Variants in CADPS observed in about 807,000 individuals in gnomAD.
The protein encoded by CADPS is calcium dependent secretion activator.
CADPS carries 57 observed loss-of-function variants against 167.3 expected under a neutral mutation model. The ratio of observed to expected loss-of-function variants is 0.34; its 90% CI spans 0.28 to 0.42. CADPS has a LOEUF of 0.42. Among genes scored for constraint, CADPS ranks in the 20% least tolerant of loss-of-function variants. The pLI, the probability that CADPS is intolerant of heterozygous loss-of-function variation, is 1.00. For missense variants in CADPS, 1,414 were observed against 1,738.1 expected (o/e 0.81, Z 3.32); for synonymous variants, 676 against 635.3 (o/e 1.06, Z -0.96).
intron 8 of CADPS, among the ~76,000 whole-genome samples, chr3:62,582,855 A>C (rs567213428): frequency 1.3e-5 from 2 of 152,360 alleles, no homozygotes; most frequent in Non-Finnish European, 2.9e-5. Context: ...TTTACAAACA[A>C]GTCAACACAA....
intron 26 of CADPS, among the ~76,000 whole-genome samples, chr3:62,464,954 A>C (rs1271163356): frequency 6.6e-6 from 1 of 152,220 alleles, no homozygotes; most frequent in Non-Finnish European, 1.5e-5. Flanking sequence ...TGACACAGTG[A>C]GGACCATATA....
intron 6 of CADPS, among the ~76,000 whole-genome samples, chr3:62,643,990 C>T (rs972614660): frequency 3.3e-5 from 5 of 152,190 alleles, no homozygotes; most frequent in Admixed American, 1.3e-4. Flanking sequence ...TGACGTGTGA[C>T]AAGGTGCATT....
At chr3:62,770,231 C>T (rs2088239604) in intron 1 of CADPS, among the ~76,000 whole-genome samples, 1 of 152,226 alleles carries the variant, frequency 6.6e-6, no homozygotes, top group Admixed American at 6.5e-5. Context: ...TCCTGGGAAG[C>T]TCTTCCCTGA....
chr3:62,576,813 A>AAAAAAAAAAAAAAAAAAAAAAG (rs1562375615), intron 8 of CADPS, among the ~76,000 whole-genome samples: 3 of 149,288 alleles, frequency 2.0e-5, no homozygotes, highest in African/African-American at 7.5e-5. Context: ...AAAAAAAAAA[A>AAAAAAAAAAAAAAAAAAAAAAG]AAAAGCAGTC....
intron 3 of CADPS, among the ~76,000 whole-genome samples, chr3:62,676,395 C>T (rs933598591): frequency 3.3e-5 from 5 of 152,002 alleles, no homozygotes; most frequent in African/African-American, 7.2e-5. Flanking sequence ...ATGGTCTATG[C>T]GATTTTTTAA....
intron 28 of CADPS, among the ~76,000 whole-genome samples, chr3:62,430,611 G>A (rs1434342864): frequency 1.3e-5 from 2 of 151,768 alleles, no homozygotes; most frequent in Non-Finnish European, 2.9e-5. Flanking sequence ...CTGAATACAT[G>A]GTTTTCCTCT....
At chr3:62,496,339 C>G (rs1183426863) in intron 18 of CADPS, among the ~76,000 whole-genome samples, 2 of 152,200 alleles carry the variant, frequency 1.3e-5, no homozygotes, top group African/African-American at 4.8e-5. Flanking sequence ...ACCTGGAGAT[C>G]TGAATTTTCA....
intron 6 of CADPS, among the ~76,000 whole-genome samples, chr3:62,607,679 A>G (rs1280145975): frequency 6.6e-6 from 1 of 151,994 alleles, no homozygotes; most frequent in East Asian, 1.9e-4. Context: ...GATAGAGGGG[A>G]TTACGGAAGC....
At chr3:62,650,267 C>T (rs2069754496) in intron 5 of CADPS, among the ~76,000 whole-genome samples, 1 of 152,102 alleles carries the variant, frequency 6.6e-6, no homozygotes, top group South Asian at 2.1e-4. Context: ...CCATGTAATT[C>T]TGACATAGGT....
At chr3:62,445,730 A>C (rs1384479806) in intron 27 of CADPS, 35 bp downstream of exon 27, 8 of 1,436,406 alleles carry the variant, frequency 5.6e-6, no homozygotes, top group South Asian at 1.4e-5. Flanking sequence ...AAAAAAACAA[A>C]AAAACCCCAT....
intron 27 of CADPS, chr3:62,441,217 A>G (rs930955705): frequency 2.4e-4 from 36 of 152,208 alleles, no homozygotes; most frequent in African/African-American, 8.4e-4. Flanking sequence ...GACATTGTGT[A>G]TTTTAAATGT....
At chr3:62,626,846 C>G (rs953550355) in intron 6 of CADPS, among the ~76,000 whole-genome samples, 1 of 151,988 alleles carries the variant, frequency 6.6e-6, no homozygotes, top group African/African-American at 2.4e-5. Flanking sequence ...CAATGATATG[C>G]TGATATGTTG....
In CADPS at chr3:62,401,990, C is replaced by T. The variant is rs147187270; in HGVS notation, c.3882+1091G>A. Reference sequence around the variant, plus strand: ...CGACCACTTGACGATTGAGCTGGTCCTAAGGAACTGAAGTAAAAAAATGTG... The same window carrying T: ...CGACCACTTGACGATTGAGCTGGTCTTAAGGAACTGAAGTAAAAAAATGTG... On this transcript the variant is annotated intron_variant, in intron 29 of 29. Transcript: ENST00000383710. Among the ~76,000 whole-genome samples the T allele has an allele frequency of 6.8e-3, 1,030 of 152,180 alleles. 7 individuals carry two copies. The highest frequency in any genetic ancestry group is 0.011 in the Non-Finnish European group (779 of 67,994).
intron 24 of CADPS, among the ~76,000 whole-genome samples, chr3:62,468,446 G>A (rs955454844): frequency 4.6e-5 from 7 of 152,160 alleles, no homozygotes; most frequent in Admixed American, 3.9e-4. Flanking sequence ...CTGGGCTGAA[G>A]TGGCAAATAG....
intron 8 of CADPS, among the ~76,000 whole-genome samples, chr3:62,582,236 A>G (rs1341204275): frequency 6.6e-6 from 1 of 152,224 alleles, no homozygotes; most frequent in Non-Finnish European, 1.5e-5. Context: ...GCTTGAGTCC[A>G]GGAGTTTGAG....
chr3:62,453,911 T>C (rs1997366), intron 26 of CADPS, among the ~76,000 whole-genome samples: 123,890 of 152,084 alleles, frequency 0.81, 50,687 homozygotes, highest in African/African-American at 0.89. Flanking sequence ...GCTACATGGA[T>C]GCATATACAT....
intron 3 of CADPS, among the ~76,000 whole-genome samples, chr3:62,751,066 G>C (rs1431601123): frequency 6.6e-6 from 1 of 152,094 alleles, no homozygotes; most frequent in Admixed American, 6.5e-5. Context: ...AAGGTTTTCT[G>C]CTGCAAACTA....
intron 2 of CADPS, among the ~76,000 whole-genome samples, chr3:62,759,109 G>A (rs948498329): frequency 6.6e-6 from 1 of 152,200 alleles, no homozygotes; most frequent in Non-Finnish European, 1.5e-5. Context: ...ATGGTTAGGA[G>A]GATGGGCCCT....
chr3:62,440,615 C>T (rs1258811878), intron 27 of CADPS: 1 of 151,634 alleles, frequency 6.6e-6, no homozygotes, highest in Non-Finnish European at 1.5e-5. Context: ...AATGATAAAG[C>T]CTCAGCACAA....
Sources: allele counts gnomAD v4.1 joint callset (sites outside exome capture counted in the v4.1 genomes callset), GRCh38; gene constraint gnomAD v4.1.1; transcripts MANE v1.5; gene names NCBI Gene and HGNC (gene_info 2026-07-23, HGNC 2026-07-21).